Variants in NAALADL2 observed in about 807,000 individuals in gnomAD.
NAALADL2 encodes the protein inactive N-acetylated-alpha-linked acidic dipeptidase-like protein 2.
Under a neutral mutation model 87.2 loss-of-function variants are expected in NAALADL2, and 76 were observed. That is an observed-to-expected ratio of 0.87 (90% CI 0.72 to 1.05). NAALADL2 has a LOEUF of 1.05. NAALADL2 is among the 50% of genes least tolerant of loss of function. The probability of loss-of-function intolerance (pLI) is 0.00; values close to 1 mark genes in which losing one functional copy is unlikely to be tolerated. For synonymous variants in NAALADL2, 354 were observed against 331.0 expected (o/e 1.07, Z -0.75); for missense variants, 1,089 against 945.8 (o/e 1.15, Z -1.99).
chr3:174,894,605 A>T, intron 1 of NAALADL2, among the ~76,000 whole-genome samples: 1 of 28,584 alleles, frequency 3.5e-5, no homozygotes, highest in East Asian at 3.1e-3. Flanking sequence ...AAAAAAAAAA[A>T]AAAAAAAAAA....
intron 3 of NAALADL2, among the ~76,000 whole-genome samples, chr3:174,805,108 G>A (rs1187030668): frequency 6.6e-6 from 1 of 152,086 alleles, no homozygotes; most frequent in Non-Finnish European, 1.5e-5. Context: ...GCTCATATTG[G>A]AACTCAAACC....
chr3:175,529,641 G>C (rs112521320), intron 9 of NAALADL2, among the ~76,000 whole-genome samples: 2,455 of 152,238 alleles, frequency 0.016, 70 homozygotes, highest in African/African-American at 0.057. Flanking sequence ...TGTCAATCCA[G>C]CTGCTTCAGG....
chr3:175,504,565 T>TTCTCTCTCTCTCTCTCTCTCTC (rs200985901), intron 9 of NAALADL2, among the ~76,000 whole-genome samples: 16 of 134,424 alleles, frequency 1.2e-4, no homozygotes, highest in South Asian at 2.7e-4. Context: ...CTCTCTCTGT[T>TTCTCTCTCTCTCTCTCTCTCTC]TCTCTCTCTC....
chr3:175,686,163 TAATAA>T (rs1425008170), intron 11 of NAALADL2, among the ~76,000 whole-genome samples: 4 of 152,196 alleles, frequency 2.6e-5, no homozygotes, highest in Admixed American at 6.5e-5. Context: ...TGTTATTCTG[TAATAA>T]AATAAGTAGT....
chr3:174,874,769 G>A (rs1049067663), intron 1 of NAALADL2, among the ~76,000 whole-genome samples: 8 of 152,082 alleles, frequency 5.3e-5, no homozygotes, highest in Non-Finnish European at 7.4e-5. Context: ...GTCTTGAACA[G>A]TGTGATTATT....
chr3:175,547,334 C>A lies in NAALADL2; in HGVS notation c.1654-28707C>A, dbSNP rs184823772. Among the ~76,000 whole-genome samples, 91 of 152,078 alleles carry A rather than the reference C, an allele frequency of 6.0e-4. 4 individuals are homozygous for A. The highest frequency in any genetic ancestry group is 1.8e-3 in the Admixed American group (27 of 15,254). Reference sequence around the variant, plus strand: ...ATGGGGAAAGGACTCCCTGTTCAACCAATGGTCCTGGGATAATTGGCTAGC... The same window carrying A: ...ATGGGGAAAGGACTCCCTGTTCAACAAATGGTCCTGGGATAATTGGCTAGC... On this transcript the variant is annotated intron_variant, in intron 9 of 13. Coordinates refer to ENST00000454872, the MANE Select transcript of NAALADL2 (RefSeq NM_207015.3).
At chr3:175,071,156 G>A (rs965573318) in intron 1 of NAALADL2, among the ~76,000 whole-genome samples, 4 of 152,214 alleles carry the variant, frequency 2.6e-5, no homozygotes, top group Middle Eastern at 6.8e-3. Flanking sequence ...CACTTTCTAG[G>A]TAAGTGCAAG....
At chr3:174,995,727 G>A (rs1055306557) in intron 1 of NAALADL2, among the ~76,000 whole-genome samples, 14 of 151,484 alleles carry the variant, frequency 9.2e-5, no homozygotes, top group Admixed American at 8.6e-4. Context: ...GATATCAATT[G>A]GAATTTCTTA....
intron 10 of NAALADL2, among the ~76,000 whole-genome samples, chr3:175,606,263 G>A (rs1723716752): frequency 1.3e-5 from 2 of 152,244 alleles, no homozygotes; most frequent in East Asian, 3.9e-4. Context: ...CTACCAGTTT[G>A]ATGAGGGATA....
At chr3:175,056,526 C>T (rs559338379) in intron 1 of NAALADL2, among the ~76,000 whole-genome samples, 9 of 152,156 alleles carry the variant, frequency 5.9e-5, no homozygotes, top group African/African-American at 2.2e-4. Context: ...CAAGGTGGGT[C>T]AGGGAGATCC....
intron 2 of NAALADL2, among the ~76,000 whole-genome samples, chr3:174,626,005 T>G (rs530480775): frequency 2.0e-5 from 3 of 151,932 alleles, no homozygotes; most frequent in Non-Finnish European, 2.9e-5. Context: ...TATTCAAATA[T>G]AAAATAAAAT....
At chr3:174,595,188 G>T (rs958034208) in intron 2 of NAALADL2, among the ~76,000 whole-genome samples, 1 of 152,036 alleles carries the variant, frequency 6.6e-6, no homozygotes, top group African/African-American at 2.4e-5. Context: ...GAGCTGGAGG[G>T]TGCCACTCCT....
At position 175,555,439 on chromosome 3, in the gene NAALADL2, G is replaced by A. The variant is rs183696213; in HGVS notation, c.1654-20602G>A. On this transcript the variant is annotated intron_variant, in intron 9 of 13. Coordinates refer to ENST00000454872, the MANE Select transcript of NAALADL2 (RefSeq NM_207015.3). The stretch of plus-strand genomic sequence containing the variant: ...TCAAATGTACTGAATTTGTGTTAAC[G>A]TCGTGAAGTAATTTTCAAACCCGTA... Among the ~76,000 whole-genome samples, 44 of 152,220 alleles carry A rather than the reference G, an allele frequency of 2.9e-4. No individual in the cohort carries two copies. In the East Asian group the frequency reaches 3.5e-3, roughly 12 times the overall value.
intron 2 of NAALADL2, among the ~76,000 whole-genome samples, chr3:174,679,541 T>C (rs1011218817): frequency 1.3e-5 from 2 of 152,176 alleles, no homozygotes; most frequent in African/African-American, 4.8e-5. Context: ...CTATTGAATA[T>C]TGCTACTGTC....
At chr3:175,001,529 A>G (rs778160160) in intron 1 of NAALADL2, among the ~76,000 whole-genome samples, 3 of 151,964 alleles carry the variant, frequency 2.0e-5, no homozygotes, top group Non-Finnish European at 4.4e-5. Flanking sequence ...AAGCTGAATA[A>G]CTCCTTTTGC....
chr3:175,642,625 C>G (rs1021820913), intron 11 of NAALADL2, among the ~76,000 whole-genome samples: 1 of 151,970 alleles, frequency 6.6e-6, no homozygotes, highest in Non-Finnish European at 1.5e-5. Flanking sequence ...CTCAGCCTCC[C>G]GAGTAGCTGG....
chr3:175,764,382 G>A (rs767402978), intron 13 of NAALADL2, among the ~76,000 whole-genome samples: 9 of 151,586 alleles, frequency 5.9e-5, no homozygotes, highest in Non-Finnish European at 1.3e-4. Flanking sequence ...GACAGTATAT[G>A]TATGTGTATA....
In NAALADL2 at chr3:175,280,080, C is replaced by T. The variant is rs1182411307; in HGVS notation, c.939+23550C>T. On this transcript the variant is annotated intron_variant, in intron 4 of 13. Transcript: ENST00000454872. ...TATACCCTTGGATTTAGAGAAGATC[C>T]TGGGAAACAGCACCCACATTCATCT... is the stretch of plus-strand genomic sequence containing the variant. Among the ~76,000 whole-genome samples the T allele has an allele frequency of 2.6e-5, 4 of 151,438 alleles. No homozygotes were observed. The East Asian group carries it at 5.8e-4, about 22-fold the overall frequency.
intron 2 of NAALADL2, among the ~76,000 whole-genome samples, chr3:174,553,683 G>A (rs1443384836): frequency 6.6e-6 from 1 of 152,044 alleles, no homozygotes; most frequent in East Asian, 1.9e-4. Flanking sequence ...TTAGCTGCAT[G>A]GTACTTCAAG....
Sources: allele counts gnomAD v4.1 joint callset (sites outside exome capture counted in the v4.1 genomes callset), GRCh38; gene constraint gnomAD v4.1.1; transcripts MANE v1.5; gene names NCBI Gene and HGNC (gene_info 2026-07-23, HGNC 2026-07-21).